Variants in TESK2 observed in about 807,000 individuals in gnomAD.
The protein encoded by TESK2 is testis associated actin remodelling kinase 2, also known as dual specificity testis-specific protein kinase 2.
TESK2 carries 39 observed loss-of-function variants against 57.1 expected under a neutral mutation model. The ratio of observed to expected loss-of-function variants is 0.68; its 90% CI spans 0.53 to 0.89. The LOEUF is 0.89. Ranked by LOEUF, TESK2 falls within the 40% of genes least tolerant of loss-of-function variation. The probability of loss-of-function intolerance (pLI) is 0.00; values close to 1 mark genes in which losing one functional copy is unlikely to be tolerated. For synonymous variants in TESK2, 249 were observed against 267.9 expected (o/e 0.93, Z 0.69); for missense variants, 646 against 732.1 (o/e 0.88, Z 1.36).
chr1:45,355,182 A>G (rs956821665), intron 5 of TESK2, 121 bp downstream of exon 5: 1 of 1,208,926 alleles, frequency 8.3e-7, no homozygotes, highest in Admixed American at 2.7e-5. Flanking sequence ...CTTTCTAAGG[A>G]CTAACTATAA....
intron 2 of TESK2, among the ~76,000 whole-genome samples, chr1:45,428,535 C>T (rs1650793080): frequency 1.3e-5 from 2 of 152,026 alleles, no homozygotes; most frequent in Admixed American, 1.3e-4. Flanking sequence ...CAGGGTCTCA[C>T]TCTGTCACCC....
chr1:45,373,469 G>T (rs1648285674), intron 4 of TESK2, among the ~76,000 whole-genome samples: 1 of 152,210 alleles, frequency 6.6e-6, no homozygotes, highest in African/African-American at 2.4e-5. Flanking sequence ...GCAGCTACTT[G>T]TGCCTAGTAT....
chr1:45,456,834 T>C (rs987201532), intron 2 of TESK2, among the ~76,000 whole-genome samples: 2 of 152,182 alleles, frequency 1.3e-5, no homozygotes, highest in Non-Finnish European at 2.9e-5. Flanking sequence ...CTGCAGAAGT[T>C]CTCTTCTGCT....
intron 1 of TESK2, among the ~76,000 whole-genome samples, chr1:45,481,227 T>TGGTAGCAGGCGC (rs1433848785): frequency 1.1e-4 from 16 of 151,730 alleles, no homozygotes; most frequent in African/African-American, 3.9e-4. Flanking sequence ...TAGCCAGGCG[T>TGGTAGCAGGCGC]GGTAGCAGGC....
intron 3 of TESK2, among the ~76,000 whole-genome samples, chr1:45,388,005 C>T (rs1402645557): frequency 6.6e-6 from 1 of 151,898 alleles, no homozygotes; most frequent in Admixed American, 6.6e-5. Flanking sequence ...AAAACTCTGC[C>T]TCAAAAATAA....
In TESK2 at chr1:45,477,066, A is replaced by AAAAAAAT. The variant is rs1435614045; in HGVS notation, c.-87+13785_-87+13786insATTTTTT. On this transcript the variant is annotated intron_variant, in intron 1 of 10. Coordinates refer to ENST00000372086, the MANE Select transcript of TESK2 (RefSeq NM_007170.3). Reference sequence around the variant, plus strand: ...TGAAACCACGTCTCTACCAAAAAAAAAAAAATACAAAAATTAGCCAGGCGC... The same window carrying AAAAAAAT: ...TGAAACCACGTCTCTACCAAAAAAAAAAAAAATAAAAATACAAAAATTAGCCAGGCGC... Among the ~76,000 whole-genome samples, 15 of 150,770 alleles carry AAAAAAAT rather than the reference A, an allele frequency of 9.9e-5. No individual in the cohort carries two copies. In the East Asian group the frequency reaches 2.9e-3, roughly 29 times the overall value.
chr1:45,434,081 A>G (rs1651087870), intron 2 of TESK2, among the ~76,000 whole-genome samples: 1 of 151,800 alleles, frequency 6.6e-6, no homozygotes, highest in African/African-American at 2.4e-5. Flanking sequence ...TGCAGCCTCA[A>G]CCTCCTGGCT....
At position 45,367,783 on chromosome 1, in the gene TESK2, G is replaced by A. The variant is rs189799288; in HGVS notation, c.394-12334C>T. 1.1e-3 allele frequency among the ~76,000 whole-genome samples: 155 copies of A among 147,174 alleles called. 1 individual carries two copies. The highest frequency in any genetic ancestry group is 1.2e-3 in the Non-Finnish European group (81 of 67,194). On this transcript the variant is annotated intron_variant, in intron 4 of 10. Coordinates refer to ENST00000372086, the MANE Select transcript of TESK2 (RefSeq NM_007170.3). The stretch of plus-strand genomic sequence containing the variant: ...AGCAATTCTCCTGCCTCAGCCTCCC[G>A]AGTAGCTGGGATTACAGGTGCCTCC...
At chr1:45,477,921 G>C (rs1653067044) in intron 1 of TESK2, among the ~76,000 whole-genome samples, 1 of 152,124 alleles carries the variant, frequency 6.6e-6, no homozygotes, top group South Asian at 2.1e-4. Flanking sequence ...TCTAGCTCTT[G>C]TAGTAATCTG....
chr1:45,466,335 C>A (rs921591005), intron 1 of TESK2, among the ~76,000 whole-genome samples: 1 of 152,006 alleles, frequency 6.6e-6, no homozygotes, highest in Non-Finnish European at 1.5e-5. Flanking sequence ...AATATCTGGG[C>A]GTGGTGGTGT....
At chr1:45,480,286 C>T (rs1653164253) in intron 1 of TESK2, among the ~76,000 whole-genome samples, 1 of 151,298 alleles carries the variant, frequency 6.6e-6, no homozygotes, top group Non-Finnish European at 1.5e-5. Flanking sequence ...GGGTGAAACC[C>T]CATCTCTATT....
intron 9 of TESK2, 138 bp downstream of exon 9, chr1:45,346,555 G>A (rs959019012): frequency 7.4e-6 from 5 of 680,188 alleles, no homozygotes; most frequent in Non-Finnish European, 1.3e-5. Context: ...GAGGGAGGAG[G>A]AGGAGGTGTG....
intron 1 of TESK2, among the ~76,000 whole-genome samples, chr1:45,473,550 C>A (rs1652856870): frequency 6.6e-6 from 1 of 152,160 alleles, no homozygotes. Flanking sequence ...CAGAGTCAGC[C>A]TGGCCTACTA....
chr1:45,422,012 T>C (rs1476165321), intron 2 of TESK2, among the ~76,000 whole-genome samples, 166 bp from the exon 3 acceptor site: 1 of 152,202 alleles, frequency 6.6e-6, no homozygotes, highest in Non-Finnish European at 1.5e-5. Flanking sequence ...TGAATTATTC[T>C]ACCCAAGAAC....
At chr1:45,347,158 GC>G in intron 7 of TESK2, 96 bp from the exon 8 acceptor site, 1 of 1,063,962 alleles carries the variant, frequency 9.4e-7, no homozygotes, top group Non-Finnish European at 1.4e-6. Flanking sequence ...CCATCTAACA[GC>G]CCAGGCCTGG....
intron 5 of TESK2, among the ~76,000 whole-genome samples, chr1:45,354,403 A>T (rs1647318583): frequency 6.6e-6 from 1 of 152,178 alleles, no homozygotes; most frequent in Admixed American, 6.5e-5. Flanking sequence ...AGGCACGTGG[A>T]TCACCTGAGG....
chr1:45,456,257 G>A (rs1379949423), intron 2 of TESK2, among the ~76,000 whole-genome samples: 1 of 151,896 alleles, frequency 6.6e-6, no homozygotes, highest in Non-Finnish European at 1.5e-5. Context: ...GGTGGCTCAT[G>A]CCTATAATCC....
At position 45,407,943 on chromosome 1, in the gene TESK2, T is replaced by C. The variant is rs776275913; in HGVS notation, c.344+13782A>G. On this transcript the variant is annotated intron_variant, in intron 3 of 10. Coordinates refer to ENST00000372086, the MANE Select transcript of TESK2 (RefSeq NM_007170.3). ...CCAAACATATCAGGAAATACATAAGTTCTTTCCTCACACCCCCACTTCCCA... is the reference window on the plus strand; with the variant it reads ...CCAAACATATCAGGAAATACATAAGCTCTTTCCTCACACCCCCACTTCCCA... 1.2e-4 allele frequency among the ~76,000 whole-genome samples: 18 copies of C among 152,324 alleles called. 1 individual carries two copies. In the Middle Eastern group the frequency reaches 0.024, roughly 201 times the overall value.
In TESK2 at chr1:45,355,389, C is replaced by T. The variant is rs567596765; in HGVS notation, c.454G>A (p.Val152Met). ...ATGTCATAGGCCAGTTTTACCCTCACAGTCCAAGGCAAATGCAGGTTACTG... is the reference window on the plus strand; with the variant it reads ...ATGTCATAGGCCAGTTTTACCCTCATAGTCCAAGGCAAATGCAGGTTACTG... Reference protein sequence around the residue: ...LDSNLHLPWTVRVKLAYDIAV... With the variant: ...LDSNLHLPWTMRVKLAYDIAV... Residue 152 changes from valine (V) to methionine (M), a missense_variant, in exon 5 of 11, where the codon GTG becomes ATG. Physicochemically the swap from Val to Met is conservative, Grantham distance 21. Transcript: ENST00000372086. The T allele has an allele frequency of 1.2e-6, 2 of 1,613,850 alleles. No homozygotes were observed. The highest frequency in any genetic ancestry group is 1.7e-6 in the Non-Finnish European group (2 of 1,179,964).
Sources: allele counts gnomAD v4.1 joint callset (sites outside exome capture counted in the v4.1 genomes callset), GRCh38; gene constraint gnomAD v4.1.1; transcripts MANE v1.5; gene names NCBI Gene and HGNC (gene_info 2026-07-23, HGNC 2026-07-21).